The following SPIDR variants were observed in gnomAD, a reference collection of about 807,000 sequenced individuals.
SPIDR encodes the protein DNA repair-scaffolding protein.
Under a neutral mutation model 104.6 loss-of-function variants are expected in SPIDR, and 93 were observed. That is an observed-to-expected ratio of 0.89 (90% CI 0.75 to 1.06). SPIDR has a LOEUF of 1.06. SPIDR is among the 50% of genes least tolerant of loss of function. SPIDR has a pLI of 0.00. For missense variants in SPIDR, 1,154 were observed against 1,111.2 expected (o/e 1.04, Z -0.55); for synonymous variants, 431 against 416.9 (o/e 1.03, Z -0.41).
At chr8:47,315,361 G>A (rs1402626006) in intron 5 of SPIDR, among the ~76,000 whole-genome samples, 2 of 151,922 alleles carry the variant, frequency 1.3e-5, no homozygotes, top group Admixed American at 6.6e-5. Context: ...ATCCTAAAGA[G>A]TATACTCTGT....
chr8:47,425,849 G>A (rs1410069573), intron 7 of SPIDR, among the ~76,000 whole-genome samples: 1 of 152,050 alleles, frequency 6.6e-6, no homozygotes, highest in Non-Finnish European at 1.5e-5. Context: ...TGCTTTTATT[G>A]AATTATCATT....
intron 8 of SPIDR, among the ~76,000 whole-genome samples, chr8:47,520,997 G>A (rs2083977874): frequency 6.6e-6 from 1 of 152,204 alleles, no homozygotes; most frequent in Non-Finnish European, 1.5e-5. Context: ...ACATGGCCTT[G>A]CTCTGAAGAA....
intron 11 of SPIDR, among the ~76,000 whole-genome samples, chr8:47,684,460 T>A (rs372590648): frequency 6.6e-6 from 1 of 152,184 alleles, no homozygotes; most frequent in East Asian, 1.9e-4. Context: ...GGCTTTAGAA[T>A]CCATATGTCT....
intron 10 of SPIDR, among the ~76,000 whole-genome samples, chr8:47,646,812 T>C (rs1047964925): frequency 6.6e-6 from 1 of 152,142 alleles, no homozygotes; most frequent in Non-Finnish European, 1.5e-5. Flanking sequence ...CATATACCTT[T>C]AAATTTTGAA....
chr8:47,437,879 C>G (rs1445815538), intron 7 of SPIDR, among the ~76,000 whole-genome samples: 1 of 152,144 alleles, frequency 6.6e-6, no homozygotes, highest in Non-Finnish European at 1.5e-5. Flanking sequence ...CCCAGCCATC[C>G]CATTACTGGA....
chr8:47,445,640 G>A (rs2154345914), intron 8 of SPIDR, among the ~76,000 whole-genome samples: 1 of 152,332 alleles, frequency 6.6e-6, no homozygotes, highest in South Asian at 2.1e-4. Flanking sequence ...TAAAAGCTAG[G>A]CCTCTTGTGC....
intron 8 of SPIDR, among the ~76,000 whole-genome samples, chr8:47,543,176 A>G (rs1364493956): frequency 2.0e-5 from 3 of 152,162 alleles, no homozygotes; most frequent in Non-Finnish European, 2.9e-5. Context: ...CTTTTCTGGG[A>G]TAAATACCCA....
intron 10 of SPIDR, among the ~76,000 whole-genome samples, chr8:47,625,188 C>T (rs568305064): frequency 1.3e-5 from 2 of 152,258 alleles, no homozygotes; most frequent in East Asian, 3.9e-4. Context: ...AATTCAACAA[C>T]CTTCATGCTA....
chr8:47,331,678 A>G (rs1406538789), intron 5 of SPIDR, among the ~76,000 whole-genome samples: 1 of 152,186 alleles, frequency 6.6e-6, no homozygotes, highest in Non-Finnish European at 1.5e-5. Context: ...CTTAGACTAC[A>G]CTAAACTTAT....
rs368943755 is a variant in SPIDR at position 47,644,142 on chromosome 8, C to T, written c.1545-29659C>T. On this transcript the variant is annotated intron_variant, in intron 10 of 19. Transcript: ENST00000297423. ...CTGGTCGTTAGCAGTCACTCCACCT[C>T]ACACCCAAGTTTAGCCACATGGCCA... Among the ~76,000 whole-genome samples, 20 of 152,260 alleles carry T rather than the reference C, an allele frequency of 1.3e-4. No homozygotes were observed. In the East Asian group the frequency reaches 2.7e-3, roughly 21 times the overall value.
Position 47,538,857 on chromosome 8 carries a change from C to CTTTTTTTTT in SPIDR, c.1098-56941_1098-56933dup, listed in dbSNP as rs1161571829. 3.0e-5 allele frequency among the ~76,000 whole-genome samples: 3 copies of CTTTTTTTTT among 100,866 alleles called. 1 individual carries two copies. The highest frequency in any genetic ancestry group is 1.0e-4 in the Admixed American group (1 of 9,698). The allele number at this position is 100,866 out of a possible 152,430, so 66.2% of individuals were successfully genotyped here. A position where few individuals can be genotyped will look rare whatever the true frequency, so the allele number is the denominator to read the frequency against. Reference sequence around the variant, plus strand: ...GTTTTGGTTTTGCCTTTTTTCTTTTCTTTTTTTTTTTTTTTTTTTTTGAGA... The same window carrying CTTTTTTTTT: ...GTTTTGGTTTTGCCTTTTTTCTTTTCTTTTTTTTTTTTTTTTTTTTTTTTTTTTTTGAGA... On this transcript the variant is annotated intron_variant, in intron 8 of 19. Transcript: ENST00000297423.
intron 19 of SPIDR, among the ~76,000 whole-genome samples, chr8:47,734,259 C>T (rs773089225): frequency 2.6e-5 from 4 of 152,056 alleles, no homozygotes; most frequent in African/African-American, 9.7e-5. Flanking sequence ...GGAAGCTGGG[C>T]ACCTTTCCTG....
chr8:47,347,253 A>T lies in SPIDR; in HGVS notation c.526-49123A>T, dbSNP rs190754052. Among the ~76,000 whole-genome samples the T allele has an allele frequency of 4.1e-3, 623 of 152,264 alleles. 2 individuals are homozygous for T. The highest frequency in any genetic ancestry group is 6.3e-3 in the Non-Finnish European group (427 of 68,006). On this transcript the variant is annotated intron_variant, in intron 5 of 19. Coordinates refer to ENST00000297423, the MANE Select transcript of SPIDR (RefSeq NM_001080394.4). ...TTGTTCAGTTTCCATGTAGTTGAGC[A>T]GTTTTGAGTGAGTTTCTTAATCCTG...
intron 7 of SPIDR, among the ~76,000 whole-genome samples, chr8:47,426,358 T>C (rs1480031180): frequency 6.6e-6 from 1 of 152,188 alleles, no homozygotes; most frequent in African/African-American, 2.4e-5. Context: ...ATTGATGCCT[T>C]ATGCCTTTTT....
intron 5 of SPIDR, among the ~76,000 whole-genome samples, chr8:47,303,240 G>GA (rs2042516484): frequency 6.6e-6 from 1 of 152,216 alleles, no homozygotes; most frequent in African/African-American, 2.4e-5. Flanking sequence ...AGGACTCTCC[G>GA]AACCAGTTGT....
intron 19 of SPIDR, chr8:47,732,510 T>C (rs925356078): frequency 3.7e-5 from 13 of 347,084 alleles, no homozygotes; most frequent in Non-Finnish European, 6.4e-5. Flanking sequence ...ACCAGTGGAC[T>C]GTGGGGTAAG....
At position 47,363,199 on chromosome 8, in the gene SPIDR, C is replaced by CTTTTTT. The variant is rs34705214; in HGVS notation, c.526-33158_526-33153dup. Among the ~76,000 whole-genome samples, 46 of 79,698 alleles carry CTTTTTT rather than the reference C, an allele frequency of 5.8e-4. 2 individuals are homozygous for CTTTTTT. Among genetic ancestry groups the CTTTTTT allele is most frequent in the East Asian group, 7.2e-4 (2 of 2,784 alleles). 52.3% of individuals were successfully genotyped at this position (79,698 alleles called of 152,430 possible). Reference sequence around the variant, plus strand: ...TAAAGCTGTTTTTTTCTTTATCTCTCTTTTTTTTTTTTTTTTTTTTTTTTG... The same window carrying CTTTTTT: ...TAAAGCTGTTTTTTTCTTTATCTCTCTTTTTTTTTTTTTTTTTTTTTTTTTTTTTTG... On this transcript the variant is annotated intron_variant, in intron 5 of 19. Transcript: ENST00000297423.
At chr8:47,712,948 A>G (rs2154488568) in intron 15 of SPIDR, 76 bp downstream of exon 15, 2 of 1,586,056 alleles carry the variant, frequency 1.3e-6, no homozygotes, top group Non-Finnish European at 1.7e-6. Context: ...TGGCCTCTGG[A>G]TGCCTCCTTG....
intron 5 of SPIDR, among the ~76,000 whole-genome samples, chr8:47,375,718 G>A (rs2058593871): frequency 6.6e-6 from 1 of 152,122 alleles, no homozygotes; most frequent in Admixed American, 6.5e-5. Flanking sequence ...TCCCTGAGTA[G>A]CTGAGACTAC....
Sources: allele counts gnomAD v4.1 joint callset (sites outside exome capture counted in the v4.1 genomes callset), GRCh38; gene constraint gnomAD v4.1.1; transcripts MANE v1.5; gene names NCBI Gene and HGNC (gene_info 2026-07-23, HGNC 2026-07-21).